ARK2N: variants seen among roughly 807,000 people sequenced by gnomAD.
ARK2N encodes the protein protein ARK2N.
chr18:46,179,090 G>A, the ARK2N span, among the ~76,000 whole-genome samples: 45 of 150,812 alleles, frequency 3.0e-4, no homozygotes, highest in Non-Finnish European at 1.0e-4. Context: ...TTACAGGCGC[G>A]TGCCACCACA....
the ARK2N span, among the ~76,000 whole-genome samples, chr18:46,202,801 T>TAAAAAA: frequency 7.0e-5 from 7 of 100,236 alleles, no homozygotes; most frequent in East Asian, 4.9e-4. Flanking sequence ...AAAATAAAAA[T>TAAAAAA]TAAAAAAAAA....
the ARK2N span, chr18:46,233,073 A>G: frequency 6.6e-6 from 1 of 152,148 alleles, no homozygotes; most frequent in Non-Finnish European, 1.5e-5. Context: ...ATAACAATAG[A>G]TTTTGCATAT....
chr18:46,245,392 C>G, the ARK2N span, among the ~76,000 whole-genome samples: 1 of 151,364 alleles, frequency 6.6e-6, no homozygotes, highest in South Asian at 2.1e-4. Flanking sequence ...ATGGTGAAAC[C>G]CCATCTATAC....
chr18:46,206,298 C>G, the ARK2N span, among the ~76,000 whole-genome samples: 2 of 151,888 alleles, frequency 1.3e-5, no homozygotes, highest in East Asian at 3.9e-4. Context: ...GTTTCCCAGG[C>G]TGGTCTGGAA....
the ARK2N span, among the ~76,000 whole-genome samples, chr18:46,200,596 G>C: frequency 6.6e-6 from 1 of 152,088 alleles, no homozygotes; most frequent in African/African-American, 2.4e-5. Context: ...GTGAGCCACC[G>C]CACCTGGCCA....
At chr18:46,252,924 T>C in the ARK2N span, among the ~76,000 whole-genome samples, 3 of 152,228 alleles carry the variant, frequency 2.0e-5, no homozygotes, top group African/African-American at 7.2e-5. Context: ...TTGCATCATA[T>C]AATACGTGCT....
chr18:46,179,855 C>T, the ARK2N span, among the ~76,000 whole-genome samples: 28 of 152,208 alleles, frequency 1.8e-4, no homozygotes, highest in South Asian at 4.1e-4. Context: ...AAACTCCCGA[C>T]CTCAGGTAAT....
At chr18:46,241,376 A>G in the ARK2N span, among the ~76,000 whole-genome samples, 1 of 152,176 alleles carries the variant, frequency 6.6e-6, no homozygotes. Flanking sequence ...TTTGCCCAAC[A>G]AGTGTCTTTT....
chr18:46,262,462 A>G, the ARK2N span, among the ~76,000 whole-genome samples: 3 of 152,348 alleles, frequency 2.0e-5, no homozygotes, highest in South Asian at 2.1e-4. Flanking sequence ...GTGAAAGGGT[A>G]TTACTGTCAC....
chr18:46,233,054 C>T, the ARK2N span: 1 of 151,904 alleles, frequency 6.6e-6, no homozygotes, highest in Non-Finnish European at 1.5e-5. Context: ...GTATTAGTTT[C>T]TAGTTAATAT....
chr18:46,227,248 G>T, the ARK2N span, among the ~76,000 whole-genome samples: 1 of 152,174 alleles, frequency 6.6e-6, no homozygotes, highest in Non-Finnish European at 1.5e-5. Context: ...AGTATAGGCG[G>T]TATATTTAGA....
chr18:46,259,885 C>CTGTGTGTGTGTGTGTGTGGG, the ARK2N span, among the ~76,000 whole-genome samples: 1 of 81,596 alleles, frequency 1.2e-5, no homozygotes, highest in African/African-American at 4.6e-5. Flanking sequence ...ATCCTCCCGT[C>CTGTGTGTGTGTGTGTGTGGG]TGTGTGTGTG....
At chr18:46,185,051 A>C in the ARK2N span, among the ~76,000 whole-genome samples, 1 of 152,252 alleles carries the variant, frequency 6.6e-6, no homozygotes, top group Non-Finnish European at 1.5e-5. Flanking sequence ...GTGAGAAATC[A>C]TGTTGATTCT....
the ARK2N span, chr18:46,216,372 G>C: frequency 3.7e-6 from 6 of 1,614,098 alleles, no homozygotes; most frequent in South Asian, 5.5e-5. The surrounding 1 kb of genome is among the most constrained non-coding windows in gnomAD (Gnocchi z 4.3). Context: ...GTGATAAACA[G>C]AATGGCCGAG....
the ARK2N span, among the ~76,000 whole-genome samples, chr18:46,220,424 A>G: frequency 6.6e-6 from 1 of 152,224 alleles, no homozygotes; most frequent in Non-Finnish European, 1.5e-5. Context: ...AGAGATAATT[A>G]ACTTATTATG....
At chr18:46,235,561 A>G in the ARK2N span, among the ~76,000 whole-genome samples, 6 of 152,214 alleles carry the variant, frequency 3.9e-5, no homozygotes, top group Non-Finnish European at 7.3e-5. Context: ...GAGGAGTGAA[A>G]TAGTTTACCA....
the ARK2N span, among the ~76,000 whole-genome samples, chr18:46,197,338 G>A: frequency 4.0e-5 from 6 of 151,642 alleles, no homozygotes; most frequent in African/African-American, 7.3e-5. Flanking sequence ...AGGTTCAAGC[G>A]ATTGTCCTGC....
chr18:46,237,011 C>T, the ARK2N span, among the ~76,000 whole-genome samples: 4 of 151,882 alleles, frequency 2.6e-5, no homozygotes, highest in African/African-American at 9.7e-5. Context: ...TACAGGCACG[C>T]ACCACCACAC....
the ARK2N span, among the ~76,000 whole-genome samples, chr18:46,185,830 T>C: frequency 6.6e-6 from 1 of 151,978 alleles, no homozygotes; most frequent in Non-Finnish European, 1.5e-5. Context: ...CTACTAAAAA[T>C]ACAAAAATTA....
Sources: allele counts gnomAD v4.1 joint callset (sites outside exome capture counted in the v4.1 genomes callset), GRCh38; gene constraint gnomAD v4.1.1; non-coding constraint Gnocchi (gnomAD v3.1); transcripts MANE v1.5; gene names NCBI Gene and HGNC (gene_info 2026-07-23, HGNC 2026-07-21).